Variants in DHX38 observed in about 807,000 individuals in gnomAD.
DHX38 encodes DEAH-box helicase 38.
A neutral mutation model predicts 153.1 loss-of-function variants in DHX38; 100 were observed. The observed-to-expected ratio is 0.65, with a 90% CI of 0.56 to 0.77. The LOEUF (loss-of-function observed/expected upper bound fraction) is 0.77. Among genes scored for constraint, DHX38 ranks in the 30% least tolerant of loss-of-function variants. The pLI is 0.00. For missense variants in DHX38, 1,440 were observed against 1,654.0 expected, an observed-to-expected ratio of 0.87 and a Z score of 2.24; for synonymous variants, 650 against 631.7, an observed-to-expected ratio of 1.03 and a Z score of -0.43.
chr16:72,110,924 T>G, intron 25 of DHX38, 32 bp from the exon 26 acceptor site: 1 of 1,563,586 alleles, frequency 6.4e-7, no homozygotes. Context: ...TGGTCCCCAG[T>G]AGGCTCAGCC....
chr16:72,108,314 T>G lies in DHX38; in HGVS notation c.3052T>G (p.Trp1018Gly). 1 of 1,614,112 alleles carries G rather than the reference T, an allele frequency of 6.2e-7. No individual in the cohort carries two copies. Among genetic ancestry groups the G allele is most frequent in the Non-Finnish European group, 8.5e-7 (1 of 1,180,020 alleles). The change falls in exon 22 of 27, where the codon TGG becomes GGG. Residue 1018 changes from tryptophan to glycine, a missense_variant. Trp to Gly is a radical substitution (Grantham distance 184, BLOSUM62 -2). Transcript: ENST00000268482. ...GACCTACCTGAATGTTTACCTGCAGTGGAAGAACAATAATTACTCCACCAT... is the reference window on the plus strand; with the variant it reads ...GACCTACCTGAATGTTTACCTGCAGGGGAAGAACAATAATTACTCCACCAT... ...HLTYLNVYLQ[W>G]KNNNYSTIWC...
At chr16:72,103,840 C>A (rs546810979) in intron 13 of DHX38, 52 bp downstream of exon 13, 1 of 1,596,410 alleles carries the variant, frequency 6.3e-7, no homozygotes, top group Admixed American at 1.7e-5. Flanking sequence ...TAGCTTCCAC[C>A]CATTTTTGCT....
Position 72,104,288 on chromosome 16 carries a change from C to T in DHX38, c.2010+157C>T. On this transcript the variant is annotated intron_variant, in intron 14 of 26. Transcript: ENST00000268482. This position sits in a 1 kb window ranked among gnomAD's most constrained non-coding sequence, Gnocchi z 4.5. ...GTTCAGACTCGGGTTGTAGTTCATG[C>T]TGTTCTTGCTCTGCTGAGGGTGGCT... 1.7e-6 allele frequency: 2 copies of T among 1,184,954 alleles called. No individual in the cohort carries two copies. The highest frequency in any genetic ancestry group is 1.2e-6 in the Non-Finnish European group (1 of 862,068). The allele number at this position is 1,184,954 out of a possible 1,614,324, so 73.4% of individuals were successfully genotyped here.
rs781742789 is a variant in DHX38 at position 72,106,075 on chromosome 16, G to A, written c.2558G>A (p.Arg853Gln). 15 of 1,614,090 alleles carry A rather than the reference G, an allele frequency of 9.3e-6. No individual in the cohort carries two copies. In the African/African-American group the frequency reaches 1.1e-4, roughly 11 times the overall value. The change falls in exon 19 of 27, where the codon CGG becomes CAG. Residue 853 changes from arginine (R) to glutamine (Q), a missense_variant. Transcript: ENST00000268482. Reference protein sequence around the residue: ...YPISQANANQRSGRAGRTGPG... With the variant: ...YPISQANANQQSGRAGRTGPG... ...ATTAGCCAGGCCAATGCCAACCAGC[G>A]GTCAGGGCGAGCCGGCAGGACGGGC...
Position 72,103,598 on chromosome 16 carries a change from G to T in DHX38, c.1638-4G>T. 1 of 1,603,254 alleles carries T rather than the reference G, an allele frequency of 6.2e-7. No homozygotes were observed. The highest frequency in any genetic ancestry group is 8.5e-7 in the Non-Finnish European group (1 of 1,170,842). ...ATAAGCCCTTTGCCTGCTTGTCCTTGTAGAGACAACAGCATCGTGATCGTG... is the reference window on the plus strand; with the variant it reads ...ATAAGCCCTTTGCCTGCTTGTCCTTTTAGAGACAACAGCATCGTGATCGTG... On this transcript the variant is annotated splice_polypyrimidine_tract_variant and splice_region_variant and intron_variant, in intron 12 of 26. Transcript: ENST00000268482.
Position 72,104,541 on chromosome 16 carries a change from C to G in DHX38, c.2066C>G (p.Ala689Gly). 6.2e-7 allele frequency: 1 copy of G among 1,614,106 alleles called. No individual in the cohort carries two copies. The highest frequency in any genetic ancestry group is 1.1e-5 in the South Asian group (1 of 91,070). ...ATCGTCACATCAGCCACGATGGATG[C>G]GGAGAAGTTTGCTGCCTTTTTTGGG... The part of the protein sequence containing the change: ...KLIVTSATMD[A>G]EKFAAFFGNV... Residue 689 changes from alanine to glycine, a missense_variant, in exon 15 of 27, where the codon GCG (alanine) becomes GGG (glycine). Physicochemically the swap from Ala to Gly is moderately conservative, Grantham distance 60. Coordinates refer to ENST00000268482, the MANE Select transcript of DHX38 (RefSeq NM_014003.4). This position sits in a 1 kb window ranked among gnomAD's most constrained non-coding sequence, Gnocchi z 4.5.
intron 1 of DHX38, among the ~76,000 whole-genome samples, 177 bp from the exon 2 acceptor site, chr16:72,095,962 C>A (rs1026987183): frequency 2.0e-5 from 3 of 151,660 alleles, no homozygotes; most frequent in African/African-American, 4.9e-5. Context: ...ATAGGAGAAT[C>A]TTTGGAGATA....
chr16:72,096,934 G>A lies in DHX38; in HGVS notation c.436G>A (p.Ala146Thr), dbSNP rs1387789860. 2 of 1,614,090 alleles carry A rather than the reference G, an allele frequency of 1.2e-6. No homozygotes were observed. Among genetic ancestry groups the A allele is most frequent in the Non-Finnish European group, 1.7e-6 (2 of 1,179,984 alleles). The change falls in exon 3 of 27, where the codon GCC (alanine) becomes ACC (threonine). Residue 146 changes from alanine to threonine, a missense_variant. Physicochemically the swap from Ala to Thr is moderately conservative, Grantham distance 58 (BLOSUM62 0). Around this residue, in one of 6 missense-constraint regions of DHX38, gnomAD observed 483 missense variants for 465.1 expected, o/e 1.04. Coordinates refer to ENST00000268482, the MANE Select transcript of DHX38 (RefSeq NM_014003.4). ...ERERREHGVY[A>T]SSKEEKDWKK... ...GGAGCGGCGGGAACATGGTGTCTAT[G>A]CCTCGTCCAAAGAAGAAAAGGATTG...
At chr16:72,109,981 A>G (rs1023165440) in intron 25 of DHX38, among the ~76,000 whole-genome samples, 2 of 152,222 alleles carry the variant, frequency 1.3e-5, no homozygotes, top group Non-Finnish European at 2.9e-5. Flanking sequence ...TATCACTCAT[A>G]AAAAAATGAA....
Position 72,104,925 on chromosome 16 carries a change from T to C in DHX38, c.2152-102T>C. ...GAGGTGTGGTGGCCCTCAAAGTCCATGGCTCCATTCCAGAGCAGTGCCTGG... is the reference window on the plus strand; with the variant it reads ...GAGGTGTGGTGGCCCTCAAAGTCCACGGCTCCATTCCAGAGCAGTGCCTGG... On this transcript the variant is annotated intron_variant, in intron 15 of 26. Transcript: ENST00000268482. The surrounding 1 kb of genome is among the most constrained non-coding windows in gnomAD (Gnocchi z 4.5). 5.8e-6 allele frequency: 7 copies of C among 1,197,640 alleles called. No homozygotes were observed. The highest frequency in any genetic ancestry group is 8.2e-6 in the Non-Finnish European group (7 of 856,362). The allele number at this position is 1,197,640 out of a possible 1,614,324, so 74.2% of individuals were successfully genotyped here.
intron 4 of DHX38, 140 bp from the exon 5 acceptor site, chr16:72,098,505 G>C: frequency 1.8e-6 from 2 of 1,112,540 alleles, no homozygotes; most frequent in African/African-American, 3.1e-5. Flanking sequence ...TGTCAAAACC[G>C]ATCTTAACCG....
chr16:72,096,066 C>G (rs896358298), intron 1 of DHX38, 73 bp from the exon 2 acceptor site: 143 of 1,456,702 alleles, frequency 9.8e-5, no homozygotes, highest in Non-Finnish European at 1.3e-4. Flanking sequence ...TACATATAAC[C>G]ATAACTGCAT....
chr16:72,107,709 G>T lies in DHX38; in HGVS notation c.2874G>T (p.Met958Ile). ...EFPLDPALSK[M>I]LIVSCDMGCS... ...CGCTGGACCCTGCCCTGTCCAAGATGCTCATCGTGTCCTGTGACATGGGCT... is the reference window on the plus strand; with the variant it reads ...CGCTGGACCCTGCCCTGTCCAAGATTCTCATCGTGTCCTGTGACATGGGCT... The change falls in exon 21 of 27, where the codon ATG (methionine) becomes ATT (isoleucine). Residue 958 changes from methionine to isoleucine, a missense_variant. This residue lies in a region of DHX38 where 543 missense variants were observed against 717.9 expected (regional missense o/e 0.76). Transcript: ENST00000268482. The surrounding 1 kb of genome is among the most constrained non-coding windows in gnomAD (Gnocchi z 5.3). 1 of 1,614,138 alleles carries T rather than the reference G, an allele frequency of 6.2e-7. No individual in the cohort carries two copies. Among genetic ancestry groups the T allele is most frequent in the Non-Finnish European group, 8.5e-7 (1 of 1,180,030 alleles).
intron 12 of DHX38, 58 bp from the exon 13 acceptor site, chr16:72,103,544 G>A: frequency 1.3e-6 from 2 of 1,563,808 alleles, no homozygotes; most frequent in Non-Finnish European, 1.7e-6. Flanking sequence ...TCTTCTTGGA[G>A]GCTGGGTGTT....
rs1353791243 is a variant in DHX38 at position 72,108,781 on chromosome 16, T to G, written c.3256-19T>G. On this transcript the variant is annotated intron_variant, in intron 23 of 26. Transcript: ENST00000268482. ...GTGTTGTTTTCCTGATGTGGCTGCC[T>G]GTTGTGTCTCCTCCCTAGGGAATCG... The G allele has an allele frequency of 6.2e-7, 1 of 1,609,306 alleles. No individual in the cohort carries two copies. Among genetic ancestry groups the G allele is most frequent in the East Asian group, 2.2e-5 (1 of 44,826 alleles).
intron 26 of DHX38, among the ~76,000 whole-genome samples, chr16:72,111,829 T>G (rs2042260961): frequency 6.6e-6 from 1 of 152,168 alleles, no homozygotes. Flanking sequence ...ACTGAATCAT[T>G]GTCATGTGGT....
In DHX38 at chr16:72,104,905, G is replaced by T. The variant is rs2042152734; in HGVS notation, c.2152-122G>T. 1.0e-6 allele frequency: 1 copy of T among 994,002 alleles called. No homozygotes were observed. Among genetic ancestry groups the T allele is most frequent in the Non-Finnish European group, 1.5e-6 (1 of 679,258 alleles). 61.6% of individuals were successfully genotyped at this position (994,002 alleles called of 1,614,324 possible). ...CTCGCAGTCAGGCCCATGTGGAGGT[G>T]TGGTGGCCCTCAAAGTCCATGGCTC... On this transcript the variant is annotated intron_variant, in intron 15 of 26. Coordinates refer to ENST00000268482, the MANE Select transcript of DHX38 (RefSeq NM_014003.4). The surrounding 1 kb of genome is among the most constrained non-coding windows in gnomAD (Gnocchi z 4.5).
chr16:72,107,595 T>C lies in DHX38; in HGVS notation c.2809+47T>C. ...CATGGGTGCTGGCGCTTGACTTCCT[T>C]CTTTCCTCTACTGTCCCGTCAAATA... is the stretch of plus-strand genomic sequence containing the variant. On this transcript the variant is annotated intron_variant, in intron 20 of 26. Coordinates refer to ENST00000268482, the MANE Select transcript of DHX38 (RefSeq NM_014003.4). This position sits in a 1 kb window ranked among gnomAD's most constrained non-coding sequence, Gnocchi z 5.3. 1 of 1,609,288 alleles carries C rather than the reference T, an allele frequency of 6.2e-7. No homozygotes were observed. Among genetic ancestry groups the C allele is most frequent in the African/African-American group, 1.3e-5 (1 of 74,932 alleles).
At position 72,096,939 on chromosome 16, in the gene DHX38, G is replaced by A. The variant is rs148616280; in HGVS notation, c.441G>A (p.Ser147=). Residue 147 remains serine (S), a synonymous_variant, in exon 3 of 27, where the codon TCG becomes TCA. Coordinates refer to ENST00000268482, the MANE Select transcript of DHX38 (RefSeq NM_014003.4). ...GGCGGGAACATGGTGTCTATGCCTCGTCCAAAGAAGAAAAGGATTGGAAGA... is the reference window on the plus strand; with the variant it reads ...GGCGGGAACATGGTGTCTATGCCTCATCCAAAGAAGAAAAGGATTGGAAGA... ...RERREHGVYA[S]SKEEKDWKKE... 6.3e-5 allele frequency: 102 copies of A among 1,613,942 alleles called. No homozygotes were observed. The highest frequency in any genetic ancestry group is 8.0e-5 in the Non-Finnish European group (94 of 1,180,004).
Sources: allele counts gnomAD v4.1 joint callset (sites outside exome capture counted in the v4.1 genomes callset), GRCh38; gene constraint gnomAD v4.1.1; regional missense constraint gnomAD v4.1.1; non-coding constraint Gnocchi (gnomAD v3.1); transcripts MANE v1.5; gene names NCBI Gene and HGNC (gene_info 2026-07-23, HGNC 2026-07-21).